MSI2: variants seen among roughly 807,000 people sequenced by gnomAD.
MSI2 encodes musashi RNA binding protein 2.
MSI2 carries 17 observed loss-of-function variants against 45.6 expected under a neutral mutation model. That is an observed-to-expected ratio of 0.37 (90% CI 0.26 to 0.56). The LOEUF (loss-of-function observed/expected upper bound fraction) is 0.56, where lower values mean the gene tolerates loss of function less well. Among genes scored for constraint, MSI2 ranks in the 20% least tolerant of loss-of-function variants. MSI2 has a pLI of 0.77. For synonymous variants in MSI2, 156 were observed against 158.2 expected (o/e 0.99, Z 0.11); for missense variants, 293 against 444.2 (o/e 0.66, Z 3.06).
At chr17:57,684,973 A>G (rs573478549), downstream of MSI2, among the ~76,000 whole-genome samples, 2 of 152,278 alleles carry the variant, frequency 1.3e-5, no homozygotes, top group East Asian at 3.9e-4. Flanking sequence ...TGGACAGGGA[A>G]TAAACCCCAA....
In MSI2 at chr17:57,652,078, G is replaced by T. The variant is rs1290808023; in HGVS notation, c.728-21G>T. The T allele has an allele frequency of 6.2e-7, 1 of 1,613,482 alleles. No homozygotes were observed. The highest frequency in any genetic ancestry group is 1.1e-5 in the South Asian group (1 of 91,066). On this transcript the variant is annotated intron_variant, in intron 10 of 13. Coordinates refer to ENST00000284073, the MANE Select transcript of MSI2 (RefSeq NM_138962.4). This position sits in a 1 kb window ranked among gnomAD's most constrained non-coding sequence, Gnocchi z 4.1. ...TTTCAAGGATTCCTCCATGACTCAGGCTCCTCTCTCTCCTGACCAGGCTTC... is the reference window on the plus strand; with the variant it reads ...TTTCAAGGATTCCTCCATGACTCAGTCTCCTCTCTCTCCTGACCAGGCTTC...
intron 13 of MSI2, among the ~76,000 whole-genome samples, chr17:57,678,565 GCTGCCTGTGCTCC>G (rs1389585356): frequency 2.0e-5 from 3 of 152,310 alleles, no homozygotes; most frequent in African/African-American, 7.2e-5. Context: ...AGACACTGGG[GCTGCCTGTGCTCC>G]CTCCCTCCCT....
At chr17:57,449,729 T>A (rs2084961471) in intron 6 of MSI2, 1 of 152,188 alleles carries the variant, frequency 6.6e-6, no homozygotes, top group African/African-American at 2.4e-5. Context: ...ACTTTTGCTA[T>A]TAAAAGCTGT....
chr17:57,514,710 T>A (rs2086432925), intron 6 of MSI2, among the ~76,000 whole-genome samples: 1 of 151,718 alleles, frequency 6.6e-6, no homozygotes, highest in African/African-American at 2.4e-5. Context: ...CGTTCTTTTT[T>A]CCCCCTTAGG....
intron 6 of MSI2, among the ~76,000 whole-genome samples, chr17:57,447,452 T>G (rs1343268622): frequency 6.6e-6 from 1 of 152,114 alleles, no homozygotes; most frequent in Non-Finnish European, 1.5e-5. Context: ...GGCCCCTGGA[T>G]AGGGGGGACC....
intron 5 of MSI2, among the ~76,000 whole-genome samples, chr17:57,374,787 A>G (rs1188123671): frequency 6.6e-6 from 1 of 152,180 alleles, no homozygotes; most frequent in Non-Finnish European, 1.5e-5. Context: ...TCATAAATAA[A>G]AATAAATAAA....
downstream of MSI2, among the ~76,000 whole-genome samples, chr17:57,687,855 T>C (rs949160589): frequency 3.3e-5 from 5 of 151,886 alleles, no homozygotes; most frequent in African/African-American, 1.2e-4. Flanking sequence ...ATATCAAGAG[T>C]GTAATTTAAT....
At chr17:57,456,776 AG>A in intron 6 of MSI2, among the ~76,000 whole-genome samples, 1 of 152,312 alleles carries the variant, frequency 6.6e-6, no homozygotes, top group South Asian at 2.1e-4. Context: ...TGTAGTTTCC[AG>A]GACTGCATCA....
At chr17:57,660,362 C>G (rs540471785) in intron 11 of MSI2, among the ~76,000 whole-genome samples, 2 of 152,164 alleles carry the variant, frequency 1.3e-5, no homozygotes. Context: ...CCCTCTAAAC[C>G]GAATGGCTCT....
Position 57,486,223 on chromosome 17 carries a change from C to T in MSI2, c.406-43453C>T, listed in dbSNP as rs1053226409. ...TTCCCCTAGCAAATGCAGACAATAC[C>T]CTCCCTCTAATCAACAGGTTCATAA... is the stretch of plus-strand genomic sequence containing the variant. On this transcript the variant is annotated intron_variant, in intron 6 of 13. Coordinates refer to ENST00000284073, the MANE Select transcript of MSI2 (RefSeq NM_138962.4). 3.3e-5 allele frequency among the ~76,000 whole-genome samples: 5 copies of T among 152,180 alleles called. No homozygotes were observed. The East Asian group carries it at 7.7e-4, about 23-fold the overall frequency.
At chr17:57,457,053 G>A (rs2085129859) in intron 6 of MSI2, among the ~76,000 whole-genome samples, 1 of 152,162 alleles carries the variant, frequency 6.6e-6, no homozygotes, top group Admixed American at 6.5e-5. Flanking sequence ...TGGTCAGACT[G>A]TTTATTGATT....
intron 6 of MSI2, among the ~76,000 whole-genome samples, chr17:57,502,602 GATATATAT>G (rs57142800): frequency 0.014 from 741 of 54,414 alleles, 96 homozygotes; most frequent in Admixed American, 0.1. Context: ...ATGACTCTGA[GATATATAT>G]ATATATATAT....
chr17:57,652,039 T>A lies in MSI2; in HGVS notation c.728-60T>A, dbSNP rs1911190189. ...GGGGTTGTGTGGCCCGTGACCTAGG[T>A]CTGTGCCTGGCCCTTTCAAGGATTC... On this transcript the variant is annotated intron_variant, in intron 10 of 13. Transcript: ENST00000284073. The surrounding 1 kb of genome is among the most constrained non-coding windows in gnomAD (Gnocchi z 4.1). 1.3e-6 allele frequency: 2 copies of A among 1,532,772 alleles called. No individual in the cohort carries two copies. Among genetic ancestry groups the A allele is most frequent in the Admixed American group, 3.3e-5 (2 of 59,868 alleles). The allele number at this position is 1,532,772 out of a possible 1,614,324, so 94.9% of individuals were successfully genotyped here.
rs1405696026 is a variant in MSI2 at position 57,356,163 on chromosome 17, C to T, written c.313-45216C>T. Among the ~76,000 whole-genome samples, 9 of 152,286 alleles carry T rather than the reference C, an allele frequency of 5.9e-5. 1 individual carries two copies. The East Asian group carries it at 1.7e-3, about 29-fold the overall frequency. On this transcript the variant is annotated intron_variant, in intron 5 of 13. Coordinates refer to ENST00000284073, the MANE Select transcript of MSI2 (RefSeq NM_138962.4). ...GTGCTGGGATTACAGGCTTGAGCCA[C>T]CGTGCCTGGCCAGTCTTTTTTAATC...
intron 6 of MSI2, among the ~76,000 whole-genome samples, chr17:57,471,182 C>T (rs973857953): frequency 9.9e-4 from 150 of 151,652 alleles, no homozygotes; most frequent in African/African-American, 3.6e-3. Flanking sequence ...TGAGTTTGTG[C>T]CTTCTGTATT....
intron 9 of MSI2, among the ~76,000 whole-genome samples, chr17:57,621,736 G>A (rs962776381): frequency 6.6e-6 from 1 of 152,126 alleles, no homozygotes; most frequent in African/African-American, 2.4e-5. Context: ...ACATCCTTGG[G>A]GAAAACCTAC....
chr17:57,635,122 G>A (rs1217834471), intron 10 of MSI2, among the ~76,000 whole-genome samples: 2 of 152,224 alleles, frequency 1.3e-5, no homozygotes, highest in Non-Finnish European at 2.9e-5. Context: ...CCTGAGAGAG[G>A]AAACATTGCA....
At position 57,401,368 on chromosome 17, in the gene MSI2, A is replaced by G. The variant is rs1446700833; in HGVS notation, c.313-11A>G. 1 of 1,611,782 alleles carries G rather than the reference A, an allele frequency of 6.2e-7. No individual in the cohort carries two copies. The highest frequency in any genetic ancestry group is 8.5e-7 in the Non-Finnish European group (1 of 1,177,848). ...GGTTAACCCATGCCTTTCTCTTGTC[A>G]TTTCTTGCAGATGGTCACAAGAACA... On this transcript the variant is annotated splice_polypyrimidine_tract_variant and intron_variant, in intron 5 of 13. Transcript: ENST00000284073.
chr17:57,679,962 G>C lies in MSI2; in HGVS notation c.*445G>C, dbSNP rs1286502071. On this transcript the variant is annotated 3_prime_UTR_variant, in exon 14 of 14. Transcript: ENST00000284073. ...ATTTTTTCTTAAAACATTTTTTTTT[G>C]CTTGTTTTGGTTCTGTTCTCACTTT... The C allele has an allele frequency of 4.8e-6, 1 of 207,298 alleles. No homozygotes were observed. The highest frequency in any genetic ancestry group is 9.5e-6 in the Non-Finnish European group (1 of 105,700). The allele number at this position is 207,298 out of a possible 1,614,324, so 12.8% of individuals were successfully genotyped here. A position where few individuals can be genotyped will look rare whatever the true frequency, so the allele number is the denominator to read the frequency against.
Sources: gnomAD v4.1 joint callset for allele counts (sites outside exome capture counted in the v4.1 genomes callset) on GRCh38, gnomAD v4.1.1 for gene constraint, Gnocchi (gnomAD v3.1) non-coding constraint, MANE v1.5 for transcripts, NCBI Gene and HGNC (gene_info 2026-07-23, HGNC 2026-07-21) for gene names.